The following PRLR variants were observed in gnomAD, a reference collection of about 807,000 sequenced individuals.
PRLR encodes hPRL receptor.
Under a neutral mutation model 40.2 loss-of-function variants are expected in PRLR, and 13 were observed. The ratio of observed to expected loss-of-function variants is 0.32; its 90% CI spans 0.21 to 0.51. The LOEUF (loss-of-function observed/expected upper bound fraction) is 0.51. Ranked by LOEUF, PRLR falls within the 20% of genes least tolerant of loss-of-function variation. The probability of loss-of-function intolerance (pLI) is 0.97; values close to 1 mark genes in which losing one functional copy is unlikely to be tolerated. For synonymous variants in PRLR, 269 were observed against 278.7 expected (o/e 0.97, Z 0.35); for missense variants, 656 against 747.3 (o/e 0.88, Z 1.42).
At chr5:35,229,877 A>G (rs1776653430) in intron 1 of PRLR, among the ~76,000 whole-genome samples, 1 of 151,472 alleles carries the variant, frequency 6.6e-6, no homozygotes, top group Admixed American at 6.6e-5. Context: ...TTTTATTTTG[A>G]CGCAAATAAT....
At chr5:35,177,157 G>A (rs916845401) in intron 1 of PRLR, among the ~76,000 whole-genome samples, 1 of 151,702 alleles carries the variant, frequency 6.6e-6, no homozygotes, top group East Asian at 1.9e-4. Context: ...CCCCCTCTTC[G>A]AGAAACACCC....
intron 1 of PRLR, among the ~76,000 whole-genome samples, chr5:35,187,386 G>A (rs1434609592): frequency 6.6e-6 from 1 of 150,762 alleles, no homozygotes; most frequent in African/African-American, 2.5e-5. Context: ...GGGTGACAGA[G>A]AGAAACTCCG....
chr5:35,199,229 T>A (rs75516417), intron 1 of PRLR, among the ~76,000 whole-genome samples: 4,325 of 152,250 alleles, frequency 0.028, 81 homozygotes, highest in Middle Eastern at 0.071. Flanking sequence ...ATCAGCTGAG[T>A]GAGAGACAGA....
chr5:35,058,501 T>C lies in PRLR; in HGVS notation c.*6588A>G, dbSNP rs543375564. ...TTCAAACAACTGTTGGATTGTACTTTAAATGTGTAACACCCCAGAGCAGCT... is the reference window on the plus strand; with the variant it reads ...TTCAAACAACTGTTGGATTGTACTTCAAATGTGTAACACCCCAGAGCAGCT... On this transcript the variant is annotated 3_prime_UTR_variant, in exon 10 of 10. Transcript: ENST00000618457. The C allele has an allele frequency of 6.6e-6, 1 of 152,360 alleles. No individual in the cohort carries two copies. Among genetic ancestry groups the C allele is most frequent in the Non-Finnish European group, 1.5e-5 (1 of 68,036 alleles). 9.4% of individuals were successfully genotyped at this position (152,360 alleles called of 1,614,324 possible). A position where few individuals can be genotyped will look rare whatever the true frequency, so the allele number is the denominator to read the frequency against.
At chr5:35,135,568 C>T (rs773207316) in intron 1 of PRLR, 2 of 152,480 alleles carry the variant, frequency 1.3e-5, no homozygotes, top group African/African-American at 2.4e-5. Context: ...ATTTTTTCCT[C>T]GTGGTTCTGC....
At chr5:35,209,462 A>G (rs1385684960) in intron 1 of PRLR, among the ~76,000 whole-genome samples, 1 of 152,200 alleles carries the variant, frequency 6.6e-6, no homozygotes, top group Non-Finnish European at 1.5e-5. Flanking sequence ...AAAGCCTTCA[A>G]AGAAATCCAA....
At chr5:35,133,088 C>G (rs1773737273) in intron 1 of PRLR, among the ~76,000 whole-genome samples, 1 of 152,034 alleles carries the variant, frequency 6.6e-6, no homozygotes, top group South Asian at 2.1e-4. Context: ...ACTTCAGACC[C>G]CTGGTTCTTA....
At chr5:35,144,123 CAAAAAAAA>C (rs34642253) in intron 1 of PRLR, among the ~76,000 whole-genome samples, 1 of 109,090 alleles carries the variant, frequency 9.2e-6, no homozygotes, top group East Asian at 3.0e-4. Flanking sequence ...AACAAGCTTC[CAAAAAAAA>C]AAAAAAAAAA....
chr5:35,209,133 T>C (rs72734587), intron 1 of PRLR, among the ~76,000 whole-genome samples: 14,602 of 151,694 alleles, frequency 0.096, 916 homozygotes, highest in Non-Finnish European at 0.13. Flanking sequence ...TATTTCACCA[T>C]GTATCAGTGT....
intron 1 of PRLR, among the ~76,000 whole-genome samples, chr5:35,171,679 G>A (rs187048082): frequency 6.6e-6 from 1 of 152,268 alleles, no homozygotes; most frequent in East Asian, 1.9e-4. Flanking sequence ...AGTGGAATTT[G>A]CCAACTGAAA....
chr5:35,084,690 T>G, intron 4 of PRLR, 51 bp from the exon 5 acceptor site: 1 of 1,552,868 alleles, frequency 6.4e-7, no homozygotes, highest in Non-Finnish European at 8.7e-7. Context: ...AAAGAGAGTC[T>G]AGTTTTTTTC....
rs144567794 is a variant in PRLR at position 35,150,910 on chromosome 5, C to A, written c.-105-32788G>T. On this transcript the variant is annotated intron_variant, in intron 1 of 9. Coordinates refer to ENST00000618457, the MANE Select transcript of PRLR (RefSeq NM_000949.7). The stretch of plus-strand genomic sequence containing the variant: ...TGTTTTGGCGGGGAGCAGCTGCATT[C>A]CCTCCAGGAACAAGCTACTGATAGT... 4.0e-3 allele frequency among the ~76,000 whole-genome samples: 614 copies of A among 152,230 alleles called. 4 individuals are homozygous for A. Among genetic ancestry groups the A allele is most frequent in the African/African-American group, 0.014 (589 of 41,534 alleles).
chr5:35,211,171 G>T (rs1185046272), intron 1 of PRLR, among the ~76,000 whole-genome samples: 3 of 152,176 alleles, frequency 2.0e-5, no homozygotes, highest in African/African-American at 4.8e-5. Flanking sequence ...AGAGCACTTT[G>T]CAAAAGTCAA....
intron 1 of PRLR, among the ~76,000 whole-genome samples, chr5:35,211,304 G>T (rs1283796969): frequency 3.9e-5 from 6 of 152,100 alleles, no homozygotes; most frequent in Admixed American, 3.3e-4. Flanking sequence ...GTACAATGGG[G>T]CATCATTAGG....
At chr5:35,218,481 A>G (rs1332572811) in intron 1 of PRLR, among the ~76,000 whole-genome samples, 1 of 152,190 alleles carries the variant, frequency 6.6e-6, no homozygotes, top group African/African-American at 2.4e-5. Context: ...TGAATAGTTC[A>G]CTTACTTAAG....
At chr5:35,229,803 G>A (rs1283654537) in intron 1 of PRLR, among the ~76,000 whole-genome samples, 1 of 152,088 alleles carries the variant, frequency 6.6e-6, no homozygotes, top group African/African-American at 2.4e-5. Context: ...AGAGTCTCGA[G>A]TCCGGCTTTC....
At chr5:35,226,571 A>G (rs2111692147) in intron 1 of PRLR, among the ~76,000 whole-genome samples, 1 of 152,284 alleles carries the variant, frequency 6.6e-6, no homozygotes, top group Admixed American at 6.5e-5. Flanking sequence ...ATTTACTCCA[A>G]TTTAAGAACT....
At chr5:35,106,283 T>C (rs972746713) in intron 2 of PRLR, among the ~76,000 whole-genome samples, 13 of 152,132 alleles carry the variant, frequency 8.5e-5, no homozygotes, top group Non-Finnish European at 1.6e-4. Context: ...TGCCAAATTG[T>C]AAAGACCATC....
chr5:35,068,386 G>A (rs1769513889), intron 8 of PRLR, 101 bp from the exon 9 acceptor site: 1 of 1,036,766 alleles, frequency 9.6e-7, no homozygotes, highest in Admixed American at 1.8e-5. Flanking sequence ...GATAGAGATA[G>A]GACTTGGTTT....
Sources: allele counts gnomAD v4.1 joint callset (sites outside exome capture counted in the v4.1 genomes callset), GRCh38; gene constraint gnomAD v4.1.1; transcripts MANE v1.5; gene names NCBI Gene and HGNC (gene_info 2026-07-23, HGNC 2026-07-21).